The following SLC6A6 variants were observed in gnomAD, a reference collection of about 807,000 sequenced individuals.
The protein encoded by SLC6A6 is sodium- and chloride-dependent taurine transporter.
A neutral mutation model predicts 68.8 loss-of-function variants in SLC6A6; 16 were observed. That is an observed-to-expected ratio of 0.23 (90% CI 0.16 to 0.35). The LOEUF is 0.35. Ranked by LOEUF, SLC6A6 falls within the 10% of genes least tolerant of loss-of-function variation. The pLI is 1.00. For synonymous variants in SLC6A6, 312 were observed against 315.4 expected, an observed-to-expected ratio of 0.99 and a Z score of 0.12; for missense variants, 474 against 802.8, an observed-to-expected ratio of 0.59 and a Z score of 4.95.
intron 2 of SLC6A6, among the ~76,000 whole-genome samples, chr3:14,423,911 A>G (rs546066610): frequency 6.6e-6 from 1 of 152,314 alleles, no homozygotes; most frequent in African/African-American, 2.4e-5. Flanking sequence ...CTGTGGGCCA[A>G]GCGATCCCTG....
chr3:14,438,975 C>G (rs1484655402), intron 2 of SLC6A6, among the ~76,000 whole-genome samples: 2 of 152,230 alleles, frequency 1.3e-5, no homozygotes, highest in African/African-American at 4.8e-5. Flanking sequence ...TTCCCCAGAG[C>G]CTTGGACTGA....
chr3:14,471,617 G>A (rs570229422), intron 9 of SLC6A6, among the ~76,000 whole-genome samples: 22 of 152,340 alleles, frequency 1.4e-4, no homozygotes, highest in Admixed American at 4.6e-4. Flanking sequence ...TTTGGGCCCT[G>A]GTTGGCCCAA....
At chr3:14,462,302 G>T (rs572887690) in intron 6 of SLC6A6, among the ~76,000 whole-genome samples, 10 of 152,316 alleles carry the variant, frequency 6.6e-5, no homozygotes, top group African/African-American at 1.9e-4. Context: ...GAGCTTAGAG[G>T]TTTATTTTGC....
intron 4 of SLC6A6, 55 bp from the exon 5 acceptor site, chr3:14,447,527 G>T (rs368365084): frequency 3.1e-5 from 50 of 1,600,488 alleles, no homozygotes; most frequent in Middle Eastern, 1.7e-4. Flanking sequence ...GTATGTGGCC[G>T]TGGTGGGTCT....
chr3:14,413,658 T>C lies in SLC6A6; in HGVS notation c.-53-2754T>C, dbSNP rs535529944. ...CCTCCAGGCAATTCTGCTTTGTATT[T>C]AACTTTGGGAAGGGCTGATGACCTC... On this transcript the variant is annotated intron_variant, in intron 1 of 14. Coordinates refer to ENST00000622186, the MANE Select transcript of SLC6A6 (RefSeq NM_003043.6). Among the ~76,000 whole-genome samples the C allele has an allele frequency of 2.0e-5, 3 of 151,902 alleles. No individual in the cohort carries two copies. In the East Asian group the frequency reaches 5.8e-4, roughly 30 times the overall value.
chr3:14,450,559 C>T lies in SLC6A6; in HGVS notation c.599+2743C>T, dbSNP rs1427751415. On this transcript the variant is annotated intron_variant, in intron 5 of 14. Coordinates refer to ENST00000622186, the MANE Select transcript of SLC6A6 (RefSeq NM_003043.6). The surrounding 1 kb of genome is among the most constrained non-coding windows in gnomAD (Gnocchi z 4.1). ...CAGATTCCAGCAGAGCTTTGTGAGACCACCTGAACATTCACAAATAAGCTG... is the reference window on the plus strand; with the variant it reads ...CAGATTCCAGCAGAGCTTTGTGAGATCACCTGAACATTCACAAATAAGCTG... 6.6e-6 allele frequency among the ~76,000 whole-genome samples: 1 copy of T among 152,192 alleles called. No individual in the cohort carries two copies. Among genetic ancestry groups the T allele is most frequent in the Non-Finnish European group, 1.5e-5 (1 of 68,024 alleles).
intron 6 of SLC6A6, among the ~76,000 whole-genome samples, chr3:14,458,975 C>A (rs1043767927): frequency 2.0e-5 from 3 of 152,210 alleles, no homozygotes; most frequent in African/African-American, 7.2e-5. Flanking sequence ...TGAAATGTTA[C>A]CTGTTACTAA....
Position 14,486,284 on chromosome 3 carries a change from A to G in SLC6A6, c.*1277A>G, listed in dbSNP as rs1701161084. ...GCCCTGGCACCTAGCAAGGCACACCAAGAACAGCTTTTGAGTCTGTATCCT... is the reference window on the plus strand; with the variant it reads ...GCCCTGGCACCTAGCAAGGCACACCGAGAACAGCTTTTGAGTCTGTATCCT... On this transcript the variant is annotated 3_prime_UTR_variant, in exon 15 of 15. Transcript: ENST00000622186. The G allele has an allele frequency of 6.6e-6, 1 of 152,636 alleles. No homozygotes were observed. The highest frequency in any genetic ancestry group is 2.4e-5 in the African/African-American group (1 of 41,424). 9.5% of individuals were successfully genotyped at this position (152,636 alleles called of 1,614,324 possible). A position where few individuals can be genotyped will look rare whatever the true frequency, so the allele number is the denominator to read the frequency against.
At chr3:14,470,705 G>C (rs1213924729) in intron 9 of SLC6A6, among the ~76,000 whole-genome samples, 1 of 152,164 alleles carries the variant, frequency 6.6e-6, no homozygotes, top group Non-Finnish European at 1.5e-5. Flanking sequence ...GTAGGGACCA[G>C]TGGGGCCCCG....
At position 14,481,620 on chromosome 3, in the gene SLC6A6, C is replaced by T. The variant is rs778721932; in HGVS notation, c.1552-51C>T. ...GCCAGTCCTAGTCCCAGAAGCCCCC[C>T]ACCCCCCGATGCCCAGGACCCCTCT... On this transcript the variant is annotated intron_variant, in intron 13 of 14. Coordinates refer to ENST00000622186, the MANE Select transcript of SLC6A6 (RefSeq NM_003043.6). The surrounding 1 kb of genome is among the most constrained non-coding windows in gnomAD (Gnocchi z 4.7). 3.0e-6 allele frequency: 4 copies of T among 1,313,294 alleles called. No homozygotes were observed. Among genetic ancestry groups the T allele is most frequent in the Non-Finnish European group, 4.3e-6 (4 of 925,768 alleles). The allele number at this position is 1,313,294 out of a possible 1,614,324, so 81.4% of individuals were successfully genotyped here. A position where few individuals can be genotyped will look rare whatever the true frequency, so the allele number is the denominator to read the frequency against.
At chr3:14,408,527 G>T (rs1699160951) in intron 1 of SLC6A6, among the ~76,000 whole-genome samples, 1 of 152,060 alleles carries the variant, frequency 6.6e-6, no homozygotes, top group Admixed American at 6.6e-5. Flanking sequence ...TAGAGACAGG[G>T]TTTCACCATG....
chr3:14,447,533 G>T (rs1467845362), intron 4 of SLC6A6, 49 bp from the exon 5 acceptor site: 1 of 1,605,002 alleles, frequency 6.2e-7, no homozygotes, highest in Non-Finnish European at 8.5e-7. Flanking sequence ...GGCCGTGGTG[G>T]GTCTGGCCTC....
rs113425291 is a variant in SLC6A6, at chr3:14,415,597, A to T, written c.-53-815A>T. Among the ~76,000 whole-genome samples the T allele has an allele frequency of 1.2e-3, 179 of 152,292 alleles. 1 individual carries two copies. Among genetic ancestry groups the T allele is most frequent in the African/African-American group, 4.1e-3 (171 of 41,548 alleles). ...TCCTGACTTTGTACACTTAGATTCCAGGAATCCAGGAGAGCCTTCCAGCCT... is the reference window on the plus strand; with the variant it reads ...TCCTGACTTTGTACACTTAGATTCCTGGAATCCAGGAGAGCCTTCCAGCCT... On this transcript the variant is annotated intron_variant, in intron 1 of 14. Transcript: ENST00000622186.
At chr3:14,444,844 C>G in intron 3 of SLC6A6, 1 of 456,178 alleles carries the variant, frequency 2.2e-6, no homozygotes, top group Non-Finnish European at 4.4e-6. Flanking sequence ...TATGGACCCG[C>G]TGAAGCCATT....
chr3:14,479,037 C>T (rs1432646528), intron 12 of SLC6A6, 48 bp from the exon 13 acceptor site: 1 of 1,241,246 alleles, frequency 8.1e-7, no homozygotes, highest in Non-Finnish European at 1.2e-6. Context: ...TGAGCTGCTG[C>T]TGGCCTTGAA....
intron 1 of SLC6A6, among the ~76,000 whole-genome samples, chr3:14,408,375 C>G (rs1699157700): frequency 1.3e-5 from 2 of 151,514 alleles, no homozygotes. Context: ...TGCTCTGTCA[C>G]CCAGGCTGGA....
intron 6 of SLC6A6, among the ~76,000 whole-genome samples, chr3:14,461,746 A>T (rs1291442178): frequency 2.0e-5 from 3 of 152,142 alleles, no homozygotes; most frequent in African/African-American, 2.4e-5. Context: ...CCTTCCCCTT[A>T]TGTGAAATGA....
At position 14,418,284 on chromosome 3, in the gene SLC6A6, G is replaced by A. The variant is rs531972266; in HGVS notation, c.-12+1831G>A. On this transcript the variant is annotated intron_variant, in intron 2 of 14. Coordinates refer to ENST00000622186, the MANE Select transcript of SLC6A6 (RefSeq NM_003043.6). The stretch of plus-strand genomic sequence containing the variant: ...TTAAGCTCCCACTGGTCCAGGGTTC[G>A]GATTGGTTGGAGTGGGGTCCCCTGT... 7.9e-4 allele frequency among the ~76,000 whole-genome samples: 120 copies of A among 152,292 alleles called. 1 individual carries two copies. Among genetic ancestry groups the A allele is most frequent in the Middle Eastern group, 3.4e-3 (1 of 294 alleles).
intron 6 of SLC6A6, among the ~76,000 whole-genome samples, chr3:14,463,304 T>C (rs1471078814): frequency 6.6e-6 from 1 of 152,182 alleles, no homozygotes; most frequent in Non-Finnish European, 1.5e-5. Context: ...CTCTTCTCAG[T>C]TGTCTGAGGA....
Sources: allele counts gnomAD v4.1 joint callset (sites outside exome capture counted in the v4.1 genomes callset), GRCh38; gene constraint gnomAD v4.1.1; non-coding constraint Gnocchi (gnomAD v3.1); transcripts MANE v1.5; gene names NCBI Gene and HGNC (gene_info 2026-07-23, HGNC 2026-07-21).